NRG1: variants seen among roughly 807,000 people sequenced by gnomAD.
NRG1 encodes pro-neuregulin-1, membrane-bound isoform.
NRG1 carries 18 observed loss-of-function variants against 63.8 expected under a neutral mutation model. The ratio of observed to expected loss-of-function variants is 0.28; its 90% CI spans 0.19 to 0.42. The LOEUF (loss-of-function observed/expected upper bound fraction) is 0.42, where lower values mean the gene tolerates loss of function less well. NRG1 is among the 10% of genes least tolerant of loss of function. The pLI is 1.00. For missense variants in NRG1, 762 were observed against 814.7 expected (o/e 0.94, Z 0.79); for synonymous variants, 302 against 301.3 (o/e 1.00, Z -0.02).
chr8:31,781,032 G>A (rs1819632559), intron 1 of NRG1, among the ~76,000 whole-genome samples: 1 of 152,070 alleles, frequency 6.6e-6, no homozygotes, highest in African/African-American at 2.4e-5. Context: ...ATACCTATCT[G>A]TAAGTGGATA....
chr8:32,203,890 G>T (rs1843747092), intron 1 of NRG1, among the ~76,000 whole-genome samples: 1 of 152,134 alleles, frequency 6.6e-6, no homozygotes. Context: ...CCCATGGATA[G>T]TTCTGTGGAA....
intron 1 of NRG1, among the ~76,000 whole-genome samples, chr8:31,977,858 A>G (rs931943461): frequency 2.0e-5 from 3 of 151,980 alleles, no homozygotes; most frequent in African/African-American, 7.2e-5. Flanking sequence ...AATCAGAAAT[A>G]CCAAATTCAT....
intron 1 of NRG1, among the ~76,000 whole-genome samples, chr8:32,308,035 A>G (rs1435311963): frequency 6.6e-6 from 1 of 152,076 alleles, no homozygotes; most frequent in African/African-American, 2.4e-5. Flanking sequence ...GTTCTGGAAA[A>G]CGGGAACCAT....
At chr8:31,681,293 G>T (rs1808315892) in intron 1 of NRG1, among the ~76,000 whole-genome samples, 2 of 152,088 alleles carry the variant, frequency 1.3e-5, no homozygotes, top group Non-Finnish European at 2.9e-5. Flanking sequence ...AAAAGATTTA[G>T]TTTTACTACA....
chr8:31,669,886 G>A (rs1393075137), intron 1 of NRG1, among the ~76,000 whole-genome samples: 4 of 152,110 alleles, frequency 2.6e-5, no homozygotes, highest in Admixed American at 2.6e-4. Context: ...ATGAGGATTG[G>A]GTGTGGAATT....
chr8:31,973,841 GC>G (rs1807706274), intron 1 of NRG1, among the ~76,000 whole-genome samples: 1 of 152,136 alleles, frequency 6.6e-6, no homozygotes, highest in Admixed American at 6.5e-5. Flanking sequence ...TCATTAAGAT[GC>G]CCAGCATTTA....
chr8:32,755,375 T>C (rs1829487421), intron 8 of NRG1, among the ~76,000 whole-genome samples: 1 of 152,210 alleles, frequency 6.6e-6, no homozygotes, highest in Admixed American at 6.5e-5. Context: ...AATCTGAATG[T>C]TGCATTGAGG....
chr8:32,258,773 G>C (rs1220911685), intron 1 of NRG1, among the ~76,000 whole-genome samples: 2 of 152,060 alleles, frequency 1.3e-5, no homozygotes, highest in Non-Finnish European at 2.9e-5. Context: ...CCACACATGG[G>C]GATTATGGGG....
intron 1 of NRG1, among the ~76,000 whole-genome samples, chr8:32,476,249 A>T (rs1878919): frequency 0.62 from 94,576 of 152,146 alleles, 29,657 homozygotes; most frequent in East Asian, 0.8. Context: ...AGGTATGTAA[A>T]GAATTCCAGA....
chr8:32,219,437 C>T (rs1563921023), intron 1 of NRG1, among the ~76,000 whole-genome samples: 2 of 152,136 alleles, frequency 1.3e-5, no homozygotes, highest in Middle Eastern at 3.2e-3. Context: ...CGAATACATG[C>T]CCTATTACTA....
intron 1 of NRG1, among the ~76,000 whole-genome samples, chr8:32,452,193 A>G (rs1038516890): frequency 1.3e-5 from 2 of 152,194 alleles, no homozygotes; most frequent in Non-Finnish European, 2.9e-5. Context: ...CTACAATGAT[A>G]ATAAGACAAT....
intron 1 of NRG1, among the ~76,000 whole-genome samples, chr8:32,108,436 C>T (rs1453293514): frequency 1.3e-5 from 2 of 152,136 alleles, no homozygotes; most frequent in Admixed American, 6.5e-5. Context: ...AGCAAGCTAC[C>T]AAACACTGCC....
chr8:31,942,578 A>T (rs117131928), intron 1 of NRG1, among the ~76,000 whole-genome samples: 3,826 of 152,302 alleles, frequency 0.025, 95 homozygotes, highest in South Asian at 0.084. Context: ...CAGCAAAAAA[A>T]ATAATCAGCA....
intron 1 of NRG1, among the ~76,000 whole-genome samples, chr8:31,927,014 T>C (rs925652658): frequency 5.9e-5 from 9 of 152,066 alleles, no homozygotes; most frequent in Admixed American, 4.6e-4. Context: ...TGCATTTTTC[T>C]GATTTTTTTT....
intron 1 of NRG1, among the ~76,000 whole-genome samples, chr8:31,738,836 C>T (rs1385265098): frequency 2.0e-5 from 3 of 152,082 alleles, no homozygotes; most frequent in Admixed American, 6.6e-5. Flanking sequence ...TCTGTGTACA[C>T]ATTTTCATCT....
chr8:32,499,530 C>A (rs1827607418), intron 1 of NRG1, among the ~76,000 whole-genome samples: 1 of 151,996 alleles, frequency 6.6e-6, no homozygotes. Context: ...TAAAGTCATC[C>A]AAATGTAGTT....
At chr8:32,224,220 A>C (rs1308265664) in intron 1 of NRG1, among the ~76,000 whole-genome samples, 1 of 152,182 alleles carries the variant, frequency 6.6e-6, no homozygotes, top group Non-Finnish European at 1.5e-5. Context: ...TCAGTATTGC[A>C]GTAACTTAAT....
intron 1 of NRG1, among the ~76,000 whole-genome samples, chr8:31,929,002 G>A (rs981517753): frequency 1.3e-5 from 2 of 152,124 alleles, no homozygotes; most frequent in African/African-American, 4.8e-5. Context: ...GAAGCCACTT[G>A]TATCCCTAAA....
chr8:32,404,294 G>A (rs1295782075), intron 1 of NRG1, among the ~76,000 whole-genome samples: 1 of 147,146 alleles, frequency 6.8e-6, no homozygotes, highest in Non-Finnish European at 1.5e-5. Flanking sequence ...ATCAGGGAAG[G>A]AGGAACCATA....
Sources: allele counts gnomAD v4.1 joint callset (sites outside exome capture counted in the v4.1 genomes callset), GRCh38; gene constraint gnomAD v4.1.1; transcripts MANE v1.5; gene names NCBI Gene and HGNC (gene_info 2026-07-23, HGNC 2026-07-21).